KIF26B: variants seen among roughly 807,000 people sequenced by gnomAD.
KIF26B encodes the protein kinesin-like protein KIF26B.
KIF26B carries 63 observed loss-of-function variants against 151.2 expected under a neutral mutation model. The ratio of observed to expected loss-of-function variants is 0.42; its 90% CI spans 0.34 to 0.51. The LOEUF (loss-of-function observed/expected upper bound fraction) is 0.51, where lower values mean the gene tolerates loss of function less well. Ranked by LOEUF, KIF26B falls within the 20% of genes least tolerant of loss-of-function variation. The pLI is 0.07. For synonymous variants in KIF26B, 1,357 were observed against 1,262.1 expected, an observed-to-expected ratio of 1.08 and a Z score of -1.59; for missense variants, 2,813 against 2,913.6, an observed-to-expected ratio of 0.97 and a Z score of 0.79.
intron 4 of KIF26B, among the ~76,000 whole-genome samples, chr1:245,463,713 C>A (rs189535826): frequency 1.4e-3 from 208 of 152,236 alleles, no homozygotes; most frequent in African/African-American, 4.4e-3. Context: ...GCCACCAAAG[C>A]CCGTCTGGAT....
chr1:245,701,631 T>TTATC (rs1215995539), intron 14 of KIF26B, among the ~76,000 whole-genome samples: 1 of 152,128 alleles, frequency 6.6e-6, no homozygotes, highest in African/African-American at 2.4e-5. Context: ...GTGTTCATTA[T>TTATC]TATCTCATTT....
intron 2 of KIF26B, among the ~76,000 whole-genome samples, chr1:245,204,561 G>A (rs1050794116): frequency 6.6e-6 from 1 of 151,708 alleles, no homozygotes; most frequent in Non-Finnish European, 1.5e-5. Context: ...TTTAGTAGAG[G>A]CGGGGTTTCG....
intron 5 of KIF26B, among the ~76,000 whole-genome samples, chr1:245,562,491 T>G (rs1349245751): frequency 6.6e-6 from 1 of 152,030 alleles, no homozygotes; most frequent in Admixed American, 6.5e-5. Flanking sequence ...GTTCCCAGTT[T>G]GTATGCACAC....
chr1:245,559,954 C>T (rs1044506274), intron 5 of KIF26B, among the ~76,000 whole-genome samples: 2 of 151,940 alleles, frequency 1.3e-5, no homozygotes, highest in Admixed American at 6.6e-5. Context: ...CACATGTTAC[C>T]GACGTGCCTC....
intron 5 of KIF26B, among the ~76,000 whole-genome samples, chr1:245,588,382 C>A (rs1436552929): frequency 6.6e-6 from 1 of 152,214 alleles, no homozygotes; most frequent in East Asian, 1.9e-4. Context: ...AAGCACTTCT[C>A]TGCCAGGCGG....
chr1:245,309,463 T>C (rs148325894), intron 2 of KIF26B, among the ~76,000 whole-genome samples: 109 of 151,820 alleles, frequency 7.2e-4, no homozygotes, highest in African/African-American at 2.6e-3. Context: ...TCTTCCTGGG[T>C]CTCAAGGCTG....
chr1:245,401,730 C>T (rs923444130), intron 3 of KIF26B, among the ~76,000 whole-genome samples: 26 of 152,184 alleles, frequency 1.7e-4, no homozygotes, highest in African/African-American at 2.6e-4. Flanking sequence ...ATTATCTGGG[C>T]GTGGTGGCAC....
At chr1:245,206,793 C>T (rs1669414808) in intron 2 of KIF26B, 1 of 151,956 alleles carries the variant, frequency 6.6e-6, no homozygotes, top group Non-Finnish European at 1.5e-5. Context: ...CTTCTTTGCT[C>T]CTAAAAAAAT....
chr1:245,688,362 G>A lies in KIF26B; in HGVS notation c.5379G>A (p.Ser1793=), dbSNP rs1442235959. The A allele has an allele frequency of 3.9e-6, 6 of 1,557,166 alleles. No homozygotes were observed. The highest frequency in any genetic ancestry group is 5.2e-6 in the Non-Finnish European group (6 of 1,160,440). ...STQSLSRNRS[S]GLASKLPLRA... ...AGTCCCTCAGCAGGAACAGGAGCTC[G>A]GGCCTGGCCTCCAAGCTTCCCCTGC... Residue 1793 remains serine, a synonymous_variant, in exon 12 of 15, where the codon TCG becomes TCA. Coordinates refer to ENST00000407071, the MANE Select transcript of KIF26B (RefSeq NM_018012.4).
intron 2 of KIF26B, among the ~76,000 whole-genome samples, chr1:245,169,327 T>TGGTGTGTG (rs1553330288): frequency 0.11 from 14,300 of 135,196 alleles, 864 homozygotes; most frequent in East Asian, 0.3. Context: ...TAACGGGCCA[T>TGGTGTGTG]GGTGTGTGTG....
At chr1:245,274,303 C>G (rs1385473977) in intron 2 of KIF26B, among the ~76,000 whole-genome samples, 1 of 151,992 alleles carries the variant, frequency 6.6e-6, no homozygotes, top group Non-Finnish European at 1.5e-5. Context: ...TATACACATG[C>G]CATGGTGGTT....
At position 245,685,431 on chromosome 1, in the gene KIF26B, G is replaced by A; in HGVS notation, c.2448G>A (p.Glu816=). 1 of 1,612,938 alleles carries A rather than the reference G, an allele frequency of 6.2e-7. No individual in the cohort carries two copies. The highest frequency in any genetic ancestry group is 8.5e-7 in the Non-Finnish European group (1 of 1,179,390). ...TKYTSSSSGG[E]SSCEEGRMRR... ...ACACATCCAGCTCGTCCGGCGGGGA[G>A]AGCTCCTGCGAAGAAGGCCGCATGC... is the stretch of plus-strand genomic sequence containing the variant. The change falls in exon 12 of 15, where the codon GAG becomes GAA. Residue 816 remains glutamate, a synonymous_variant. Transcript: ENST00000407071.
chr1:245,640,143 C>CTCTCTCTATATATATATATA, intron 9 of KIF26B, among the ~76,000 whole-genome samples: 2 of 31,934 alleles, frequency 6.3e-5, no homozygotes, highest in African/African-American at 1.4e-4. Context: ...CTCTCTCTCT[C>CTCTCTCTATATATATATATA]TATATATATA....
chr1:245,646,018 C>A (rs2043941857), intron 9 of KIF26B, 103 bp from the exon 10 acceptor site: 2 of 1,247,732 alleles, frequency 1.6e-6, no homozygotes, highest in Non-Finnish European at 2.2e-6. Context: ...CCTTTTACTT[C>A]CCCTTCTCAT....
intron 2 of KIF26B, among the ~76,000 whole-genome samples, chr1:245,223,891 T>TA (rs1048873320): frequency 1.3e-5 from 2 of 152,186 alleles, no homozygotes; most frequent in African/African-American, 4.8e-5. Flanking sequence ...ACCACCAACT[T>TA]ACAGAAAAAG....
At chr1:245,565,600 T>C (rs2043001951) in intron 5 of KIF26B, among the ~76,000 whole-genome samples, 1 of 152,194 alleles carries the variant, frequency 6.6e-6, no homozygotes, top group Admixed American at 6.6e-5. Flanking sequence ...TCTGATGCGT[T>C]CTTGCCGGTC....
At chr1:245,523,362 A>C (rs1273670311) in intron 4 of KIF26B, among the ~76,000 whole-genome samples, 1 of 152,220 alleles carries the variant, frequency 6.6e-6, no homozygotes, top group Non-Finnish European at 1.5e-5. Context: ...CATCAGCTTA[A>C]AAGTGCCCTT....
intron 5 of KIF26B, among the ~76,000 whole-genome samples, chr1:245,593,827 G>A (rs1003038374): frequency 6.6e-6 from 1 of 152,176 alleles, no homozygotes; most frequent in Non-Finnish European, 1.5e-5. Flanking sequence ...ATCCTCTCCA[G>A]CATCTGTTGT....
chr1:245,224,437 A>G (rs1669836598), intron 2 of KIF26B, among the ~76,000 whole-genome samples: 1 of 152,186 alleles, frequency 6.6e-6, no homozygotes, highest in Admixed American at 6.5e-5. Flanking sequence ...ATGGAACACC[A>G]TTTTTACCTG....
Sources: gnomAD v4.1 joint callset for allele counts (sites outside exome capture counted in the v4.1 genomes callset) on GRCh38, gnomAD v4.1.1 for gene constraint, MANE v1.5 for transcripts, NCBI Gene and HGNC (gene_info 2026-07-23, HGNC 2026-07-21) for gene names.